Variants in CHN2 observed in about 807,000 individuals in gnomAD.
The protein encoded by CHN2 is beta-chimaerin.
In CHN2, 35 loss-of-function variants were observed where a neutral mutation model predicts 56.3. The observed-to-expected ratio is 0.62, with a 90% CI of 0.47 to 0.82. CHN2 has a LOEUF of 0.82. CHN2 is among the 40% of genes least tolerant of loss of function. The pLI, the probability that CHN2 is intolerant of heterozygous loss-of-function variation, is 0.00. For synonymous variants in CHN2, 210 were observed against 212.8 expected (o/e 0.99, Z 0.12); for missense variants, 491 against 580.5 (o/e 0.85, Z 1.58).
In CHN2 at chr7:29,354,820, G is replaced by A. The variant is rs372756460; in HGVS notation, c.88+157G>A. 2.6e-5 allele frequency among the ~76,000 whole-genome samples: 4 copies of A among 152,072 alleles called. No homozygotes were observed. The East Asian group carries it at 5.8e-4, about 22-fold the overall frequency. On this transcript the variant is annotated intron_variant, in intron 2 of 12. Transcript: ENST00000222792. Reference sequence around the variant, plus strand: ...CTGAGGAAAAAGATTAGTCAGAGACGATTAACAGAGCCCCCTCCTCTTACC... The same window carrying A: ...CTGAGGAAAAAGATTAGTCAGAGACAATTAACAGAGCCCCCTCCTCTTACC...
At chr7:29,279,130 G>C (rs1791471139) in intron 1 of CHN2, among the ~76,000 whole-genome samples, 1 of 152,092 alleles carries the variant, frequency 6.6e-6, no homozygotes, top group Non-Finnish European at 1.5e-5. Context: ...TTTCTTTTAT[G>C]GAATATTAAT....
chr7:29,172,309 C>A (rs1443175497), intron 2 of CHN2, among the ~76,000 whole-genome samples: 1 of 152,186 alleles, frequency 6.6e-6, no homozygotes, highest in African/African-American at 2.4e-5. Flanking sequence ...GTTGACTGGT[C>A]TCATCCAGTT....
intron 7 of CHN2, among the ~76,000 whole-genome samples, chr7:29,485,156 T>G (rs1787814801): frequency 6.6e-6 from 1 of 152,248 alleles, no homozygotes; most frequent in Non-Finnish European, 1.5e-5. Context: ...CTATTTGCTG[T>G]AGCTGGTTCA....
rs150960966 is a variant in CHN2, at chr7:29,475,988, A to T, written c.577-4291A>T. On this transcript the variant is annotated intron_variant, in intron 6 of 12. Transcript: ENST00000222792. The stretch of plus-strand genomic sequence containing the variant: ...TTGCAGAACATTGTAAATGCATTAA[A>T]TGCCATTGGATTTTACATTTTTAAA... 1.4e-3 allele frequency among the ~76,000 whole-genome samples: 206 copies of T among 152,352 alleles called. 2 individuals carry two copies. Among genetic ancestry groups the T allele is most frequent in the African/African-American group, 4.1e-3 (171 of 41,582 alleles).
intron 6 of CHN2, among the ~76,000 whole-genome samples, chr7:29,450,095 A>C (rs564897352): frequency 1.4e-4 from 22 of 152,322 alleles, no homozygotes; most frequent in African/African-American, 5.1e-4. Flanking sequence ...TCTTGAAGGC[A>C]AACAGAAAGG....
At chr7:29,360,722 C>T (rs1366403937) in intron 2 of CHN2, among the ~76,000 whole-genome samples, 1 of 152,162 alleles carries the variant, frequency 6.6e-6, no homozygotes, top group African/African-American at 2.4e-5. Flanking sequence ...GGGTTCAGCT[C>T]CTGGGTCCAT....
intron 1 of CHN2, among the ~76,000 whole-genome samples, chr7:29,232,400 A>T (rs1417569895): frequency 6.6e-6 from 1 of 152,068 alleles, no homozygotes; most frequent in Non-Finnish European, 1.5e-5. Context: ...TCATCCTTTT[A>T]CGTCTACAGC....
At chr7:29,365,124 A>G (rs1021008020) in intron 2 of CHN2, among the ~76,000 whole-genome samples, 1 of 152,202 alleles carries the variant, frequency 6.6e-6, no homozygotes, top group African/African-American at 2.4e-5. Flanking sequence ...GACGTACCAT[A>G]GTTAATTTAA....
intron 1 of CHN2, among the ~76,000 whole-genome samples, chr7:29,261,932 C>G (rs1789586371): frequency 1.3e-5 from 2 of 152,226 alleles, no homozygotes; most frequent in Admixed American, 6.5e-5. Context: ...CTTTGGGAGG[C>G]TGAGGCAGGC....
At chr7:29,479,982 G>A in intron 6 of CHN2, 2 of 1,467,368 alleles carry the variant, frequency 1.4e-6, no homozygotes, top group East Asian at 2.5e-5. Flanking sequence ...ACATGCCGGA[G>A]GCTGCTGCAG....
chr7:29,408,146 C>T (rs1359263097), intron 6 of CHN2, among the ~76,000 whole-genome samples: 1 of 151,344 alleles, frequency 6.6e-6, no homozygotes, highest in Non-Finnish European at 1.5e-5. Flanking sequence ...GCCCAGATCA[C>T]ACCACTGCAC....
At chr7:29,456,834 G>A (rs573094141) in intron 6 of CHN2, among the ~76,000 whole-genome samples, 1 of 152,150 alleles carries the variant, frequency 6.6e-6, no homozygotes, top group East Asian at 1.9e-4. Flanking sequence ...CCTGGTGGCT[G>A]CCTCCTGGGC....
At chr7:29,492,485 C>T (rs1788772526) in intron 7 of CHN2, among the ~76,000 whole-genome samples, 1 of 152,234 alleles carries the variant, frequency 6.6e-6, no homozygotes, top group Non-Finnish European at 1.5e-5. Flanking sequence ...ATACCCTAAA[C>T]TCCATCATTT....
rs372010815 is a variant in CHN2, at chr7:29,367,867, G to A, written c.89-65G>A. ...CTTAGGTGGAAATATTTGAAGGCAC[G>A]TTGATATGTGTTGCAGTATTCTAAT... On this transcript the variant is annotated intron_variant, in intron 2 of 12. Transcript: ENST00000222792. 1.5e-4 allele frequency: 211 copies of A among 1,369,430 alleles called. 1 individual carries two copies. Among genetic ancestry groups the A allele is most frequent in the East Asian group, 3.3e-4 (13 of 39,924 alleles). 84.8% of individuals were successfully genotyped at this position (1,369,430 alleles called of 1,614,324 possible). A position where few individuals can be genotyped will look rare whatever the true frequency, so the allele number is the denominator to read the frequency against.
upstream of CHN2, chr7:29,194,147 C>A: frequency 6.6e-6 from 1 of 152,544 alleles, no homozygotes; most frequent in Non-Finnish European, 1.5e-5. Flanking sequence ...TGTCTCGCTG[C>A]TCGAGAGCCC....
At chr7:29,357,331 G>A (rs764880293) in intron 2 of CHN2, among the ~76,000 whole-genome samples, 8 of 152,030 alleles carry the variant, frequency 5.3e-5, no homozygotes, top group Non-Finnish European at 8.8e-5. Context: ...TGCCATCCAC[G>A]GCATCAAAAA....
chr7:29,334,054 T>C (rs576665349), intron 1 of CHN2, among the ~76,000 whole-genome samples: 34 of 145,306 alleles, frequency 2.3e-4, no homozygotes, highest in East Asian at 9.8e-4. Flanking sequence ...CTTTTCTTTT[T>C]TTTTTTTTTT....
At chr7:29,175,061 C>T (rs910032146) in intron 2 of CHN2, among the ~76,000 whole-genome samples, 11 of 152,136 alleles carry the variant, frequency 7.2e-5, no homozygotes, top group African/African-American at 2.6e-4. Context: ...CCCATAATTC[C>T]CATATGTTGT....
chr7:29,339,313 C>T (rs1049769784), intron 1 of CHN2, among the ~76,000 whole-genome samples: 1 of 152,010 alleles, frequency 6.6e-6, no homozygotes. Flanking sequence ...CTCCCTACCT[C>T]TCCTGACCCT....
Sources: gnomAD v4.1 joint callset for allele counts (sites outside exome capture counted in the v4.1 genomes callset) on GRCh38, gnomAD v4.1.1 for gene constraint, MANE v1.5 for transcripts, NCBI Gene and HGNC (gene_info 2026-07-23, HGNC 2026-07-21) for gene names.